ACTR10: variants seen among roughly 807,000 people sequenced by gnomAD.
ACTR10 encodes actin-related protein 10.
In ACTR10, 43 loss-of-function variants were observed where a neutral mutation model predicts 56.2. The observed-to-expected ratio is 0.77, with a 90% CI of 0.60 to 0.99. The LOEUF (loss-of-function observed/expected upper bound fraction) is 0.99. Ranked by LOEUF, ACTR10 falls within the 50% of genes least tolerant of loss-of-function variation. ACTR10 has a pLI of 0.00. For missense variants in ACTR10, 466 were observed against 507.8 expected (o/e 0.92, Z 0.79); for synonymous variants, 170 against 176.3 (o/e 0.96, Z 0.28).
intron 2 of ACTR10, among the ~76,000 whole-genome samples, chr14:58,207,721 C>T (rs1258386728): frequency 1.3e-5 from 2 of 152,162 alleles, no homozygotes; most frequent in South Asian, 2.1e-4. Flanking sequence ...ACACACACTT[C>T]CATTACCACA....
intron 11 of ACTR10, 22 bp from the exon 12 acceptor site, chr14:58,232,044 C>CT (rs749048353): frequency 1.9e-6 from 3 of 1,566,042 alleles, no homozygotes; most frequent in East Asian, 2.2e-5. Context: ...ATAAATCCTT[C>CT]TTTTTTTCTT....
intron 8 of ACTR10, chr14:58,223,390 G>A (rs1465424406): frequency 6.0e-5 from 26 of 434,666 alleles, no homozygotes; most frequent in East Asian, 4.8e-4. Context: ...CGCCTGCCTC[G>A]GCCTCCCAAA....
intron 6 of ACTR10, among the ~76,000 whole-genome samples, chr14:58,214,303 T>TA (rs1889075976): frequency 6.6e-6 from 1 of 152,200 alleles, no homozygotes. Flanking sequence ...TCACTTAACA[T>TA]AATGATCTCC....
At chr14:58,233,408 A>T (rs1344610490) in intron 12 of ACTR10, among the ~76,000 whole-genome samples, 1 of 152,158 alleles carries the variant, frequency 6.6e-6, no homozygotes, top group African/African-American at 2.4e-5. Context: ...TGCTAGAAAA[A>T]TTTTGGAGAT....
At chr14:58,212,915 C>G (rs368531264) in intron 5 of ACTR10, 1 of 152,238 alleles carries the variant, frequency 6.6e-6, no homozygotes, top group African/African-American at 2.4e-5. Context: ...GCCAAGAGTT[C>G]GAGACCAGCC....
chr14:58,218,415 T>C (rs1220902264), intron 7 of ACTR10, among the ~76,000 whole-genome samples: 2 of 152,184 alleles, frequency 1.3e-5, no homozygotes, highest in Non-Finnish European at 2.9e-5. Context: ...AGTATGTCTG[T>C]TTATTTATAC....
chr14:58,231,598 G>T (rs1345378920), intron 11 of ACTR10, among the ~76,000 whole-genome samples: 1 of 152,188 alleles, frequency 6.6e-6, no homozygotes, highest in Non-Finnish European at 1.5e-5. Flanking sequence ...CTCTTAAAGA[G>T]AACTGATGTA....
At position 58,201,125 on chromosome 14, in the gene ACTR10, A is replaced by G. The variant is rs540792599; in HGVS notation, c.77+831A>G. 2.1e-4 allele frequency among the ~76,000 whole-genome samples: 32 copies of G among 152,310 alleles called. No homozygotes were observed. In the South Asian group the frequency reaches 4.4e-3, roughly 21 times the overall value. On this transcript the variant is annotated intron_variant, in intron 1 of 12. Transcript: ENST00000254286. ...ATTTGAAAAATCTTTTTATATCTCT[A>G]GGCACTTCCTGACGTGTAGTAGGTA...
intron 7 of ACTR10, 74 bp from the exon 8 acceptor site, chr14:58,219,619 GA>G (rs1384823927): frequency 7.7e-6 from 7 of 911,716 alleles, no homozygotes; most frequent in Non-Finnish European, 1.1e-5. Flanking sequence ...TTGAAAAATA[GA>G]AATGTGAAGG....
rs748106417 is a variant in ACTR10 at position 58,215,185 on chromosome 14, CTT to C, written c.519-10_519-9del. 8.2e-5 allele frequency: 93 copies of C among 1,140,252 alleles called. No individual in the cohort carries two copies. Among genetic ancestry groups the C allele is most frequent in the East Asian group, 3.0e-4 (10 of 33,240 alleles). The allele number at this position is 1,140,252 out of a possible 1,614,324, so 70.6% of individuals were successfully genotyped here. On this transcript the variant is annotated intron_variant, in intron 6 of 12. Transcript: ENST00000254286. The stretch of plus-strand genomic sequence containing the variant: ...AGTTTCAATATTTTCATTCCAGTAA[CTT>C]TTTTTTTTTAATTTCAGAGAGTTGG...
chr14:58,207,682 A>C (rs565698919), intron 2 of ACTR10, among the ~76,000 whole-genome samples: 13 of 152,296 alleles, frequency 8.5e-5, no homozygotes, highest in African/African-American at 2.9e-4. Context: ...GGAAAAATGC[A>C]TGTGAGCCAT....
intron 3 of ACTR10, among the ~76,000 whole-genome samples, chr14:58,208,797 A>C (rs1302870186): frequency 6.6e-6 from 1 of 152,142 alleles, no homozygotes; most frequent in Non-Finnish European, 1.5e-5. Context: ...TGAGATAAGT[A>C]AGTTAATGAA....
chr14:58,234,236 T>G, intron 12 of ACTR10, 134 bp from the exon 13 acceptor site: 1 of 628,844 alleles, frequency 1.6e-6, no homozygotes, highest in East Asian at 2.9e-5. Context: ...CTGGAATTAC[T>G]TTGAAGATTG....
At chr14:58,207,873 T>C in intron 2 of ACTR10, 63 bp from the exon 3 acceptor site, 2 of 1,001,548 alleles carry the variant, frequency 2.0e-6, no homozygotes, top group Non-Finnish European at 2.7e-6. Flanking sequence ...ATAATTACAT[T>C]TTAATCTTAA....
At chr14:58,216,562 C>T (rs1889139873) in intron 7 of ACTR10, among the ~76,000 whole-genome samples, 1 of 152,154 alleles carries the variant, frequency 6.6e-6, no homozygotes, top group Non-Finnish European at 1.5e-5. Flanking sequence ...TACCTCTTAT[C>T]CTTAGGTCAC....
In ACTR10 at chr14:58,209,497, T is replaced by C. The variant is rs1357137447; in HGVS notation, c.342+390T>C. On this transcript the variant is annotated intron_variant, in intron 4 of 12. Transcript: ENST00000254286. ...TCTGTGCTGTGGACTTTGCAATGTA[T>C]TTCTTCCAGATCTTTCTAGCTTCCA... Among the ~76,000 whole-genome samples the C allele has an allele frequency of 2.0e-5, 3 of 152,212 alleles. No individual in the cohort carries two copies. The East Asian group carries it at 5.8e-4, about 29-fold the overall frequency.
intron 12 of ACTR10, among the ~76,000 whole-genome samples, chr14:58,232,479 G>A (rs1594816743): frequency 7.5e-6 from 1 of 132,744 alleles, no homozygotes; most frequent in African/African-American, 2.8e-5. Flanking sequence ...GTGGTGGTGC[G>A]ATCTCGGCTC....
chr14:58,221,902 A>C (rs373628184), intron 8 of ACTR10, among the ~76,000 whole-genome samples: 1 of 152,156 alleles, frequency 6.6e-6, no homozygotes, highest in African/African-American at 2.4e-5. Flanking sequence ...TGGGCAAGTC[A>C]GTCTCGACTC....
chr14:58,209,941 AGTTATATTTTT>A, intron 4 of ACTR10, among the ~76,000 whole-genome samples: 1 of 152,174 alleles, frequency 6.6e-6, no homozygotes, highest in Non-Finnish European at 1.5e-5. Context: ...AATATTTCTA[AGTTATATTTTT>A]GTAAAGCAGG....
Sources: allele counts gnomAD v4.1 joint callset (sites outside exome capture counted in the v4.1 genomes callset), GRCh38; gene constraint gnomAD v4.1.1; transcripts MANE v1.5; gene names NCBI Gene and HGNC (gene_info 2026-07-23, HGNC 2026-07-21).